Variants in MAX observed in about 807,000 individuals in gnomAD.
MAX encodes protein max.
A neutral mutation model predicts 22.3 loss-of-function variants in MAX; 3 were observed. The ratio of observed to expected loss-of-function variants is 0.13; its 90% CI spans 0.06 to 0.35. The LOEUF (loss-of-function observed/expected upper bound fraction) is 0.35, where lower values mean the gene tolerates loss of function less well. Ranked by LOEUF, MAX falls within the 10% of genes least tolerant of loss-of-function variation. The pLI is 1.00. For synonymous variants in MAX, 72 were observed against 77.7 expected (o/e 0.93, Z 0.39); for missense variants, 119 against 209.4 (o/e 0.57, Z 2.66).
At chr14:65,053,002 A>G (rs2062648257) in intron 3 of MAX, among the ~76,000 whole-genome samples, 1 of 152,192 alleles carries the variant, frequency 6.6e-6, no homozygotes, top group Admixed American at 6.5e-5. Context: ...AACAGGGTGC[A>G]TTTCAAGAAA....
At chr14:65,043,657 C>A (rs1205146883) in intron 3 of MAX, among the ~76,000 whole-genome samples, 1 of 151,266 alleles carries the variant, frequency 6.6e-6, no homozygotes, top group Non-Finnish European at 1.5e-5. Flanking sequence ...CCCGTCTCTA[C>A]TAAAAATACA....
chr14:65,100,702 C>G (rs1184322891), intron 2 of MAX, among the ~76,000 whole-genome samples: 1 of 152,186 alleles, frequency 6.6e-6, no homozygotes, highest in Admixed American at 6.5e-5. Flanking sequence ...ATACTTATTT[C>G]TCTTCCCCTC....
chr14:65,054,296 G>A lies in MAX; in HGVS notation c.171+39412C>T, dbSNP rs2062679101. Among the ~76,000 whole-genome samples the A allele has an allele frequency of 6.6e-6, 1 of 151,906 alleles. No homozygotes were observed. The highest frequency in any genetic ancestry group is 1.5e-5 in the Non-Finnish European group (1 of 68,002). On this transcript the variant is annotated intron_variant, in intron 3 of 3. Transcript: ENST00000341653. This position sits in a 1 kb window ranked among gnomAD's most constrained non-coding sequence, Gnocchi z 4.4. The stretch of plus-strand genomic sequence containing the variant: ...CCTAGCTAATTTTTAATTTTTTGTA[G>A]AGACGGGGTCTCCCATGTTGCCCAA...
chr14:65,054,479 G>A lies in MAX; in HGVS notation c.171+39229C>T, dbSNP rs532897266. 2.4e-5 allele frequency: 30 copies of A among 1,231,890 alleles called. No homozygotes were observed. The highest frequency in any genetic ancestry group is 3.0e-5 in the African/African-American group (2 of 67,016). 76.3% of individuals were successfully genotyped at this position (1,231,890 alleles called of 1,614,324 possible). A position where few individuals can be genotyped will look rare whatever the true frequency, so the allele number is the denominator to read the frequency against. ...AGCCACATGGAGGATGGGGGGGGAC[G>A]TGTGATTGCACCAGTGGTCTCTGAA... On this transcript the variant is annotated intron_variant, in intron 3 of 3. Transcript: ENST00000341653. This position sits in a 1 kb window ranked among gnomAD's most constrained non-coding sequence, Gnocchi z 4.4.
chr14:65,075,180 C>G lies in MAX; in HGVS notation c.*1296G>C. On this transcript the variant is annotated 3_prime_UTR_variant, in exon 5 of 5. Coordinates refer to ENST00000358664, the MANE Select transcript of MAX (RefSeq NM_002382.5). The surrounding 1 kb of genome is among the most constrained non-coding windows in gnomAD (Gnocchi z 4.1). ...CTTATAGTAAAGGGGGAAGCCTTAA[C>G]TTGCAAGACAATTCTTCGGCAGTAT... 1 of 1,037,560 alleles carries G rather than the reference C, an allele frequency of 9.6e-7. No individual in the cohort carries two copies. Among genetic ancestry groups the G allele is most frequent in the Non-Finnish European group, 1.2e-6 (1 of 861,832 alleles). 64.3% of individuals were successfully genotyped at this position (1,037,560 alleles called of 1,614,324 possible).
At chr14:65,091,236 A>G (rs2139857968) in intron 3 of MAX, among the ~76,000 whole-genome samples, 1 of 152,244 alleles carries the variant, frequency 6.6e-6, no homozygotes, top group East Asian at 1.9e-4. Flanking sequence ...AGGTTTAGTG[A>G]GAACTGATAA....
chr14:65,022,647 A>C lies in MAX; in HGVS notation c.172-16363T>G, dbSNP rs187986577. Among the ~76,000 whole-genome samples, 320 of 152,126 alleles carry C rather than the reference A, an allele frequency of 2.1e-3. 3 individuals carry two copies. The highest frequency in any genetic ancestry group is 7.4e-3 in the African/African-American group (307 of 41,498). On this transcript the variant is annotated intron_variant, in intron 3 of 3. Coordinates refer to the MAX transcript ENST00000341653. ...CTCCCAAAGTCTAGGGATTACAGGC[A>C]CGAGCCACCACACCCAGCCAAATAC...
chr14:65,048,710 C>G (rs539140906), intron 3 of MAX, among the ~76,000 whole-genome samples: 29 of 152,170 alleles, frequency 1.9e-4, no homozygotes, highest in Admixed American at 3.3e-4. Flanking sequence ...AAACAGTTAA[C>G]CAGACATGGT....
intron 3 of MAX, among the ~76,000 whole-genome samples, chr14:65,061,021 A>C (rs2062855346): frequency 6.6e-6 from 1 of 152,074 alleles, no homozygotes; most frequent in Non-Finnish European, 1.5e-5. Context: ...CATGTACTAG[A>C]TAGTTTTAGC....
At chr14:65,049,960 C>T (rs1416708507) in intron 3 of MAX, among the ~76,000 whole-genome samples, 2 of 151,712 alleles carry the variant, frequency 1.3e-5, no homozygotes, top group East Asian at 3.9e-4. Flanking sequence ...AGTATGATTA[C>T]AATATTAAGT....
Position 65,054,481 on chromosome 14 carries a change from G to T in MAX, c.171+39227C>A, listed in dbSNP as rs945622028. On this transcript the variant is annotated intron_variant, in intron 3 of 3. Transcript: ENST00000341653. The surrounding 1 kb of genome is among the most constrained non-coding windows in gnomAD (Gnocchi z 4.4). ...CCACATGGAGGATGGGGGGGGACGT[G>T]TGATTGCACCAGTGGTCTCTGAATT... is the stretch of plus-strand genomic sequence containing the variant. 1 of 1,275,118 alleles carries T rather than the reference G, an allele frequency of 7.8e-7. No homozygotes were observed. The highest frequency in any genetic ancestry group is 1.1e-6 in the Non-Finnish European group (1 of 911,050). The allele number at this position is 1,275,118 out of a possible 1,614,324, so 79.0% of individuals were successfully genotyped here. A position where few individuals can be genotyped will look rare whatever the true frequency, so the allele number is the denominator to read the frequency against.
chr14:65,021,466 C>T (rs1221422332), intron 3 of MAX, among the ~76,000 whole-genome samples: 3 of 152,154 alleles, frequency 2.0e-5, no homozygotes, highest in African/African-American at 7.2e-5. Context: ...TGTTTCCTTA[C>T]CTTTCAGTGA....
rs1007202903 is a variant in MAX, at chr14:65,076,043, G to C, written c.*433C>G. On this transcript the variant is annotated 3_prime_UTR_variant, in exon 5 of 5. Coordinates refer to ENST00000358664, the MANE Select transcript of MAX (RefSeq NM_002382.5). This position sits in a 1 kb window ranked among gnomAD's most constrained non-coding sequence, Gnocchi z 6.6. Reference sequence around the variant, plus strand: ...CATCTTCTCAAAGTAGAGCAGTTCAGATTCACAAAGTCTATCAGAGGTGAG... The same window carrying C: ...CATCTTCTCAAAGTAGAGCAGTTCACATTCACAAAGTCTATCAGAGGTGAG... 1 of 1,163,558 alleles carries C rather than the reference G, an allele frequency of 8.6e-7. No individual in the cohort carries two copies. Among genetic ancestry groups the C allele is most frequent in the African/African-American group, 1.6e-5 (1 of 63,862 alleles). The allele number at this position is 1,163,558 out of a possible 1,614,324, so 72.1% of individuals were successfully genotyped here. A position where few individuals can be genotyped will look rare whatever the true frequency, so the allele number is the denominator to read the frequency against.
In MAX at chr14:65,026,408, T is replaced by C. The variant is rs73268801; in HGVS notation, c.172-20124A>G. Reference sequence around the variant, plus strand: ...CCTCAGTGAGGGAATGGGAGCCTGTTTGAATTAACGTGGAGAATTCTCCAA... The same window carrying C: ...CCTCAGTGAGGGAATGGGAGCCTGTCTGAATTAACGTGGAGAATTCTCCAA... On this transcript the variant is annotated intron_variant, in intron 3 of 3. Coordinates refer to the MAX transcript ENST00000341653. Among the ~76,000 whole-genome samples the C allele has an allele frequency of 2.4e-3, 369 of 152,290 alleles. 4 individuals are homozygous for C. The highest frequency in any genetic ancestry group is 8.1e-3 in the African/African-American group (337 of 41,562).
intron 3 of MAX, among the ~76,000 whole-genome samples, chr14:65,051,768 C>CA (rs1368312300): frequency 6.6e-6 from 1 of 151,400 alleles, no homozygotes; most frequent in East Asian, 1.9e-4. Context: ...TTATTGATAC[C>CA]ATAAACTTTT....
chr14:65,016,420 A>G (rs1215995036), intron 3 of MAX: 1 of 152,274 alleles, frequency 6.6e-6, no homozygotes, highest in Non-Finnish European at 1.5e-5. Flanking sequence ...ATTGGATCCA[A>G]GAGATCCACT....
downstream of MAX, among the ~76,000 whole-genome samples, chr14:65,074,038 G>A (rs1227423433): frequency 6.6e-6 from 1 of 152,134 alleles, no homozygotes; most frequent in East Asian, 1.9e-4. Flanking sequence ...GCCCCTTCCT[G>A]TTTGCTATCT....
At chr14:65,059,837 C>CTTTTTTT in intron 3 of MAX, among the ~76,000 whole-genome samples, 1 of 134,242 alleles carries the variant, frequency 7.4e-6, no homozygotes, top group Non-Finnish European at 1.6e-5. Flanking sequence ...GTCCTTTTTT[C>CTTTTTTT]TTTTTTTTTT....
chr14:65,023,347 C>T lies in MAX; in HGVS notation c.172-17063G>A, dbSNP rs112511469. Among the ~76,000 whole-genome samples the T allele has an allele frequency of 0.02, 3,031 of 152,274 alleles. 116 individuals are homozygous for T. The highest frequency in any genetic ancestry group is 0.069 in the African/African-American group (2,881 of 41,554). On this transcript the variant is annotated intron_variant, in intron 3 of 3. Coordinates refer to the MAX transcript ENST00000341653. The surrounding 1 kb of genome is among the most constrained non-coding windows in gnomAD (Gnocchi z 4.1). ...CTGGGATTACAGGCATGAGCCACCA[C>T]GCCTGGCCAGAATCAATCACTTTAG...
Sources: gnomAD v4.1 joint callset for allele counts (sites outside exome capture counted in the v4.1 genomes callset) on GRCh38, gnomAD v4.1.1 for gene constraint, Gnocchi (gnomAD v3.1) non-coding constraint, MANE v1.5 for transcripts, NCBI Gene and HGNC (gene_info 2026-07-23, HGNC 2026-07-21) for gene names.